CLIP4: variants seen among roughly 807,000 people sequenced by gnomAD.
CLIP4 encodes CAP-Gly domain containing linker protein family member 4.
A neutral mutation model predicts 73.1 loss-of-function variants in CLIP4; 47 were observed. That is an observed-to-expected ratio of 0.64 (90% CI 0.51 to 0.82). CLIP4 has a LOEUF of 0.82. Among genes scored for constraint, CLIP4 ranks in the 40% least tolerant of loss-of-function variants. The probability of loss-of-function intolerance (pLI) is 0.00; values close to 1 mark genes in which losing one functional copy is unlikely to be tolerated. For synonymous variants in CLIP4, 306 were observed against 295.4 expected (o/e 1.04, Z -0.37); for missense variants, 874 against 852.9 (o/e 1.02, Z -0.31).
chr2:29,100,986 A>C (rs1668025570), intron 1 of CLIP4, among the ~76,000 whole-genome samples: 2 of 152,120 alleles, frequency 1.3e-5, no homozygotes, highest in East Asian at 3.9e-4. Context: ...TCCAAGTCCC[A>C]AAACCTCAAA....
intron 1 of CLIP4, among the ~76,000 whole-genome samples, chr2:29,116,482 C>T (rs1321155966): frequency 6.6e-6 from 1 of 152,214 alleles, no homozygotes; most frequent in Non-Finnish European, 1.5e-5. Flanking sequence ...TCAGGAACAT[C>T]CGCCAGCACT....
chr2:29,099,348 A>G (rs893810138), intron 1 of CLIP4, among the ~76,000 whole-genome samples: 1 of 152,202 alleles, frequency 6.6e-6, no homozygotes, highest in Non-Finnish European at 1.5e-5. Context: ...TTTTACGTTT[A>G]TGTCCACGAT....
At chr2:29,101,992 G>A (rs917575926) in intron 1 of CLIP4, among the ~76,000 whole-genome samples, 1 of 152,130 alleles carries the variant, frequency 6.6e-6, no homozygotes, top group Non-Finnish European at 1.5e-5. Context: ...AACAGCTTAG[G>A]AGGTCATAAA....
intron 2 of CLIP4, among the ~76,000 whole-genome samples, chr2:29,122,240 CT>C (rs11359647): frequency 0.75 from 102,021 of 135,290 alleles, 37,853 homozygotes; most frequent in East Asian, 0.91. Context: ...CTCCAAGTTT[CT>C]TTTTTTTTTT....
At chr2:29,163,474 T>C (rs1667418160) in intron 12 of CLIP4, among the ~76,000 whole-genome samples, 1 of 152,166 alleles carries the variant, frequency 6.6e-6, no homozygotes, top group East Asian at 1.9e-4. Context: ...TTCACTTCTT[T>C]CACTGAAACA....
At chr2:29,168,455 C>G (rs1667770255) in intron 14 of CLIP4, among the ~76,000 whole-genome samples, 1 of 148,660 alleles carries the variant, frequency 6.7e-6, no homozygotes, top group South Asian at 2.1e-4. Context: ...TGTCTTTAGA[C>G]TGGCAGAGCT....
At chr2:29,180,648 G>C (rs1419568475) in intron 15 of CLIP4, among the ~76,000 whole-genome samples, 1 of 151,872 alleles carries the variant, frequency 6.6e-6, no homozygotes, top group Non-Finnish European at 1.5e-5. Flanking sequence ...TTTTTAAAGT[G>C]AACAAAAAAT....
intron 8 of CLIP4, 122 bp from the exon 9 acceptor site, chr2:29,152,563 A>G: frequency 6.1e-6 from 6 of 977,664 alleles, no homozygotes; most frequent in Non-Finnish European, 8.9e-6. Flanking sequence ...TCCTCTCATC[A>G]TAGGACATGC....
At chr2:29,172,108 G>A (rs1354349900) in intron 14 of CLIP4, among the ~76,000 whole-genome samples, 1 of 143,642 alleles carries the variant, frequency 7.0e-6, no homozygotes, top group Non-Finnish European at 1.5e-5. Flanking sequence ...ATTTAACATT[G>A]ATACTTGGCA....
Position 29,183,508 on chromosome 2 carries a change from C to CT in CLIP4, c.*1616dup, listed in dbSNP as rs1558597966. ...TTATACAGATTATTTCTTAAAAACT[C>CT]TATTTATACCTTAACATGAAATCCA... On this transcript the variant is annotated 3_prime_UTR_variant, in exon 16 of 16. Transcript: ENST00000320081. 2.6e-5 allele frequency: 4 copies of CT among 152,592 alleles called. No homozygotes were observed. Among genetic ancestry groups the CT allele is most frequent in the Non-Finnish European group, 2.9e-5 (2 of 68,022 alleles). The allele number at this position is 152,592 out of a possible 1,614,324, so 9.5% of individuals were successfully genotyped here. A position where few individuals can be genotyped will look rare whatever the true frequency, so the allele number is the denominator to read the frequency against.
chr2:29,156,503 T>C, intron 10 of CLIP4, 60 bp downstream of exon 10: 2 of 1,237,506 alleles, frequency 1.6e-6, no homozygotes, highest in East Asian at 2.4e-5. Flanking sequence ...CTTTAAAATA[T>C]GGTAGGAAAA....
At chr2:29,137,734 C>T (rs1665469828) in intron 6 of CLIP4, among the ~76,000 whole-genome samples, 1 of 152,112 alleles carries the variant, frequency 6.6e-6, no homozygotes, top group Non-Finnish European at 1.5e-5. Flanking sequence ...GATAGTCTCT[C>T]ATTGTGGTGT....
intron 1 of CLIP4, among the ~76,000 whole-genome samples, chr2:29,109,198 T>C (rs1668315932): frequency 6.6e-6 from 1 of 152,218 alleles, no homozygotes; most frequent in African/African-American, 2.4e-5. Context: ...CTGGCTTGTG[T>C]TATTTTTGTG....
intron 2 of CLIP4, 125 bp downstream of exon 2, chr2:29,121,646 C>T: frequency 8.8e-7 from 1 of 1,132,220 alleles, no homozygotes. Flanking sequence ...CTAAAGTTTT[C>T]CTTTTTCAAA....
chr2:29,131,758 T>A (rs1315050334), intron 3 of CLIP4: 9 of 240,682 alleles, frequency 3.7e-5, no homozygotes, highest in Non-Finnish European at 7.1e-5. Context: ...TAGGCTTGAA[T>A]GTAGTCTTTA....
chr2:29,131,840 A>T, intron 3 of CLIP4: 1 of 326,868 alleles, frequency 3.1e-6, no homozygotes, highest in Non-Finnish European at 5.5e-6. Context: ...GAGTGCTTAT[A>T]CTTTTTTCAA....
At chr2:29,113,307 C>A (rs1037137002), upstream of CLIP4, among the ~76,000 whole-genome samples, 1 of 152,158 alleles carries the variant, frequency 6.6e-6, no homozygotes, top group Non-Finnish European at 1.5e-5. The surrounding 1 kb of genome is among the most constrained non-coding windows in gnomAD (Gnocchi z 4.0). Context: ...CTTTGTGTCT[C>A]CAGATAGAAT....
At chr2:29,157,845 C>T (rs3112920) in intron 11 of CLIP4, among the ~76,000 whole-genome samples, 134,763 of 152,240 alleles carry the variant, frequency 0.89, 59,773 homozygotes, top group Non-Finnish European at 0.91. Flanking sequence ...GACTTCTTTT[C>T]GAAATGACAT....
chr2:29,152,264 G>A (rs3100236), intron 8 of CLIP4, among the ~76,000 whole-genome samples: 68,279 of 151,900 alleles, frequency 0.45, 16,365 homozygotes, highest in Non-Finnish European at 0.55. Context: ...ATGGCTCACT[G>A]TTATTTGCCA....
Sources: allele counts gnomAD v4.1 joint callset (sites outside exome capture counted in the v4.1 genomes callset), GRCh38; gene constraint gnomAD v4.1.1; non-coding constraint Gnocchi (gnomAD v3.1); transcripts MANE v1.5; gene names NCBI Gene and HGNC (gene_info 2026-07-23, HGNC 2026-07-21).